The following ZNF704 variants were observed in gnomAD, a reference collection of about 807,000 sequenced individuals.
ZNF704 encodes zinc finger protein 704.
ZNF704 carries 10 observed loss-of-function variants against 44.7 expected under a neutral mutation model. That is an observed-to-expected ratio of 0.22 (90% CI 0.14 to 0.38). ZNF704 has a LOEUF of 0.38. Among genes scored for constraint, ZNF704 ranks in the 10% least tolerant of loss-of-function variants. The pLI is 1.00. For missense variants in ZNF704, 390 were observed against 545.5 expected, an observed-to-expected ratio of 0.71 and a Z score of 2.84; for synonymous variants, 211 against 207.6, an observed-to-expected ratio of 1.02 and a Z score of -0.14.
At chr8:80,831,023 G>A (rs1282488526) in intron 1 of ZNF704, among the ~76,000 whole-genome samples, 1 of 151,872 alleles carries the variant, frequency 6.6e-6, no homozygotes. Context: ...CAAAGTGCTG[G>A]GAATACAAGC....
chr8:80,814,947 T>C (rs1036233933), intron 2 of ZNF704, among the ~76,000 whole-genome samples: 4 of 152,146 alleles, frequency 2.6e-5, no homozygotes, highest in African/African-American at 9.6e-5. Context: ...CTAAAGTACA[T>C]AAAAGAAAGG....
At chr8:80,707,574 T>A (rs1388936363) in intron 2 of ZNF704, among the ~76,000 whole-genome samples, 2 of 152,254 alleles carry the variant, frequency 1.3e-5, no homozygotes, top group African/African-American at 2.4e-5. Flanking sequence ...TTGAACCATA[T>A]GAAATTGTGA....
chr8:80,776,218 G>C (rs999136294), intron 2 of ZNF704, among the ~76,000 whole-genome samples: 2 of 152,118 alleles, frequency 1.3e-5, no homozygotes, highest in African/African-American at 4.8e-5. Context: ...ATTTACTTAA[G>C]CAAGAGACCC....
chr8:80,722,448 G>A (rs931041911), intron 2 of ZNF704, among the ~76,000 whole-genome samples: 3 of 152,134 alleles, frequency 2.0e-5, no homozygotes, highest in Non-Finnish European at 4.4e-5. Flanking sequence ...GCCAGGTCCT[G>A]GCACATGGTC....
intron 2 of ZNF704, among the ~76,000 whole-genome samples, chr8:80,737,259 G>A (rs541162655): frequency 6.6e-6 from 1 of 152,314 alleles, no homozygotes; most frequent in East Asian, 1.9e-4. Flanking sequence ...GAGTGCTCTG[G>A]TTCAAGGTTT....
intron 2 of ZNF704, among the ~76,000 whole-genome samples, chr8:80,762,228 G>C (rs945493346): frequency 6.6e-6 from 1 of 152,160 alleles, no homozygotes; most frequent in South Asian, 2.1e-4. Flanking sequence ...ATGTGTGAAG[G>C]GGCAGAAGTC....
intron 2 of ZNF704, among the ~76,000 whole-genome samples, chr8:80,714,333 T>A (rs1253692740): frequency 6.6e-6 from 1 of 152,210 alleles, no homozygotes; most frequent in Non-Finnish European, 1.5e-5. Context: ...AATGAAAGAA[T>A]GAAAAATTCT....
At chr8:80,805,770 A>G (rs566085798) in intron 2 of ZNF704, among the ~76,000 whole-genome samples, 1 of 152,320 alleles carries the variant, frequency 6.6e-6, no homozygotes, top group Admixed American at 6.5e-5. Flanking sequence ...ATTTCCTAGC[A>G]TGGTCAGATT....
intron 4 of ZNF704, among the ~76,000 whole-genome samples, chr8:80,679,980 C>T (rs1818427029): frequency 6.6e-6 from 1 of 152,310 alleles, no homozygotes; most frequent in South Asian, 2.1e-4. Context: ...TTCCTTGGGT[C>T]TATTGGCTGA....
intron 2 of ZNF704, among the ~76,000 whole-genome samples, chr8:80,755,785 C>T (rs1256582246): frequency 1.3e-5 from 2 of 152,076 alleles, no homozygotes; most frequent in Non-Finnish European, 2.9e-5. Context: ...CAACAGTACC[C>T]CCAAACAGCA....
At chr8:80,754,643 C>G (rs1028296181) in intron 2 of ZNF704, among the ~76,000 whole-genome samples, 7 of 152,196 alleles carry the variant, frequency 4.6e-5, no homozygotes, top group Admixed American at 2.6e-4. Flanking sequence ...ATTCTCATTG[C>G]TCAGGTCTTA....
intron 1 of ZNF704, among the ~76,000 whole-genome samples, chr8:80,873,143 C>T (rs996655722): frequency 1.3e-5 from 2 of 152,164 alleles, no homozygotes; most frequent in African/African-American, 2.4e-5. Context: ...GAGAAGGGGA[C>T]ACTCCTTCCT....
chr8:80,851,986 T>C (rs1339780619), intron 1 of ZNF704, among the ~76,000 whole-genome samples: 3 of 152,150 alleles, frequency 2.0e-5, no homozygotes, highest in Admixed American at 2.0e-4. Context: ...GAAAAAAAAG[T>C]CTGTGTTCCT....
chr8:80,841,116 G>A (rs1432234538), intron 1 of ZNF704, among the ~76,000 whole-genome samples: 1 of 152,216 alleles, frequency 6.6e-6, no homozygotes, highest in Non-Finnish European at 1.5e-5. Flanking sequence ...CTGAAAGCTA[G>A]AACTTCCACC....
intron 1 of ZNF704, chr8:80,873,607 CTCCTCGCCG>C (rs1809297971): frequency 6.6e-6 from 1 of 152,242 alleles, no homozygotes. Context: ...GCACGAAACG[CTCCTCGCCG>C]TCCTCGTCGT....
intron 3 of ZNF704, among the ~76,000 whole-genome samples, chr8:80,687,739 T>C (rs1016936170): frequency 2.6e-5 from 4 of 152,168 alleles, no homozygotes; most frequent in Admixed American, 6.6e-5. Flanking sequence ...CTTGGGATCA[T>C]AGTGGGGATT....
intron 2 of ZNF704, among the ~76,000 whole-genome samples, chr8:80,714,038 T>G (rs1050969271): frequency 6.6e-6 from 1 of 152,322 alleles, no homozygotes; most frequent in African/African-American, 2.4e-5. Flanking sequence ...TGGGTGTTGG[T>G]CCACATTCTT....
In ZNF704 at chr8:80,641,439, T is replaced by G; in HGVS notation, c.1166A>C (p.Tyr389Ser). The change falls in exon 9 of 9, where the codon TAC (tyrosine) becomes TCC (serine). Residue 389 changes from tyrosine (Y) to serine (S), a missense_variant. Transcript: ENST00000327835. ...RGEGKKCRKV[Y>S]GMENRDMWCT... is the part of the protein sequence containing the mutation. ...CCACATGTCTCGGTTCTCCATCCCG[T>G]ACACCTTCCGACACTTTTTGCCCTC... 6.2e-7 allele frequency: 1 copy of G among 1,613,428 alleles called. No homozygotes were observed.
chr8:80,821,277 T>G, intron 2 of ZNF704, 97 bp downstream of exon 2: 2 of 1,278,002 alleles, frequency 1.6e-6, no homozygotes, highest in Non-Finnish European at 2.2e-6. Flanking sequence ...CTTTCATATG[T>G]CTATATACTG....
Sources: gnomAD v4.1 joint callset for allele counts (sites outside exome capture counted in the v4.1 genomes callset) on GRCh38, gnomAD v4.1.1 for gene constraint, MANE v1.5 for transcripts, NCBI Gene and HGNC (gene_info 2026-07-23, HGNC 2026-07-21) for gene names.